Variants in PTPRA observed in about 807,000 individuals in gnomAD.
PTPRA encodes the protein protein tyrosine phosphatase receptor type A.
In PTPRA, 25 loss-of-function variants were observed where a neutral mutation model predicts 104.8. That is an observed-to-expected ratio of 0.24 (90% confidence interval 0.17 to 0.33). The LOEUF (loss-of-function observed/expected upper bound fraction) is 0.33, where lower values mean the gene tolerates loss of function less well. Ranked by LOEUF, PTPRA falls within the 10% of genes least tolerant of loss-of-function variation. The pLI, the probability that PTPRA is intolerant of heterozygous loss-of-function variation, is 1.00. For missense variants in PTPRA, 765 were observed against 1,015.3 expected (o/e 0.75, Z 3.35); for synonymous variants, 323 against 368.9 (o/e 0.88, Z 1.43).
chr20:2,954,627 C>T (rs1457275332), intron 3 of PTPRA, among the ~76,000 whole-genome samples: 1 of 152,194 alleles, frequency 6.6e-6, no homozygotes, highest in Non-Finnish European at 1.5e-5. Context: ...GATTGGCATA[C>T]ATTTTTTCCC....
chr20:2,984,617 T>A (rs2062823730), intron 6 of PTPRA, among the ~76,000 whole-genome samples: 1 of 152,202 alleles, frequency 6.6e-6, no homozygotes, highest in Non-Finnish European at 1.5e-5. Context: ...TCTCCTCTGT[T>A]CAAAGCCCTT....
intron 1 of PTPRA, among the ~76,000 whole-genome samples, chr20:2,910,140 CATCATATATACTATACGTCATATATAAT>C (rs1392647549): frequency 9.4e-6 from 1 of 106,708 alleles, no homozygotes; most frequent in East Asian, 2.8e-4. Flanking sequence ...TGATATATAA[CATCATATATACTATACGTCATATATAAT>C]ATGACGTATA....
chr20:2,977,644 C>CAA, intron 6 of PTPRA, among the ~76,000 whole-genome samples: 1 of 135,752 alleles, frequency 7.4e-6, no homozygotes, highest in South Asian at 2.4e-4. Flanking sequence ...GACTCTGTCT[C>CAA]AAAAAAAAAA....
At chr20:3,007,767 C>T (rs538315946) in intron 11 of PTPRA, among the ~76,000 whole-genome samples, 2 of 151,930 alleles carry the variant, frequency 1.3e-5, no homozygotes, top group African/African-American at 4.8e-5. Context: ...GACAAGAATA[C>T]CTGACATGAC....
intron 6 of PTPRA, among the ~76,000 whole-genome samples, chr20:2,977,659 C>T (rs910556029): frequency 3.3e-5 from 5 of 151,028 alleles, no homozygotes; most frequent in South Asian, 2.1e-4. Flanking sequence ...AAAAAAAGGG[C>T]GGGGATTATC....
At position 3,022,864 on chromosome 20, in the gene PTPRA, G is replaced by A; in HGVS notation, c.1464+40G>A. ...GGTCAGGTGAGGGTGGGGGGTTCCA[G>A]GACTAAAACATCTGCCCACATTGAG... On this transcript the variant is annotated intron_variant, in intron 16 of 23. Transcript: ENST00000399903. The surrounding 1 kb of genome is among the most constrained non-coding windows in gnomAD (Gnocchi z 4.6). 1 of 1,613,120 alleles carries A rather than the reference G, an allele frequency of 6.2e-7. No individual in the cohort carries two copies. The highest frequency in any genetic ancestry group is 1.1e-5 in the South Asian group (1 of 90,930).
chr20:2,902,405 A>C (rs1169774233), intron 1 of PTPRA, among the ~76,000 whole-genome samples: 1 of 152,038 alleles, frequency 6.6e-6, no homozygotes, highest in African/African-American at 2.4e-5. Flanking sequence ...GGGGAGCAAA[A>C]AGTTGGTTTC....
At chr20:2,898,210 T>G (rs1185579536) in intron 1 of PTPRA, among the ~76,000 whole-genome samples, 1 of 151,978 alleles carries the variant, frequency 6.6e-6, no homozygotes, top group African/African-American at 2.4e-5. Flanking sequence ...CATTCTCCTG[T>G]CTCAGCCTCC....
intron 10 of PTPRA, 100 bp from the exon 11 acceptor site, chr20:3,007,244 C>A: frequency 8.7e-7 from 1 of 1,151,278 alleles, no homozygotes; most frequent in Non-Finnish European, 1.3e-6. Flanking sequence ...AAGCGTGAGT[C>A]TGTGCACATA....
At chr20:2,917,777 C>T (rs1018789686) in intron 1 of PTPRA, among the ~76,000 whole-genome samples, 4 of 151,466 alleles carry the variant, frequency 2.6e-5, no homozygotes, top group African/African-American at 9.7e-5. Flanking sequence ...TTAGACCAAC[C>T]TGGGCAACAT....
At chr20:2,953,380 AGTAGCTGGGACTACAGGCGCGCG>A (rs1459790865) in intron 3 of PTPRA, among the ~76,000 whole-genome samples, 1 of 151,758 alleles carries the variant, frequency 6.6e-6, no homozygotes, top group Non-Finnish European at 1.5e-5. Flanking sequence ...TCAGCCTCCG[AGTAGCTGGGACTACAGGCGCGCG>A]TTACCACGCC....
At chr20:2,963,641 G>T (rs929467483) in intron 3 of PTPRA, among the ~76,000 whole-genome samples, 1 of 151,964 alleles carries the variant, frequency 6.6e-6, no homozygotes, top group Non-Finnish European at 1.5e-5. Flanking sequence ...TTTACAGGTT[G>T]GATATCTCTA....
At chr20:2,891,197 CTGCTTCTCACCTAGA>C (rs2058776938) in intron 1 of PTPRA, among the ~76,000 whole-genome samples, 1 of 152,196 alleles carries the variant, frequency 6.6e-6, no homozygotes, top group Non-Finnish European at 1.5e-5. Context: ...TTAATTCAGG[CTGCTTCTCACCTAGA>C]TGACTGCTGC....
At chr20:2,978,419 T>C (rs899375687) in intron 6 of PTPRA, among the ~76,000 whole-genome samples, 7 of 152,294 alleles carry the variant, frequency 4.6e-5, no homozygotes, top group African/African-American at 1.7e-4. Context: ...TAAATACTTG[T>C]ACCAAAAAGT....
chr20:2,874,175 A>G (rs527770193), intron 1 of PTPRA, among the ~76,000 whole-genome samples: 1 of 152,052 alleles, frequency 6.6e-6, no homozygotes, highest in African/African-American at 2.4e-5. Context: ...CTTTCCCTTC[A>G]AGTCCACCTC....
chr20:2,996,140 C>T (rs1407227191), intron 9 of PTPRA, among the ~76,000 whole-genome samples: 2 of 152,140 alleles, frequency 1.3e-5, no homozygotes, highest in African/African-American at 4.8e-5. Context: ...GAGAAGTCAC[C>T]TCAACTAAAT....
chr20:2,945,854 G>A (rs184244492), intron 2 of PTPRA, among the ~76,000 whole-genome samples: 7 of 151,818 alleles, frequency 4.6e-5, no homozygotes, highest in Non-Finnish European at 8.8e-5. Flanking sequence ...ACTCAAGCCC[G>A]GGAGGTAGAG....
chr20:2,897,384 C>CTTTTTT (rs60627339), intron 1 of PTPRA, among the ~76,000 whole-genome samples: 61 of 108,902 alleles, frequency 5.6e-4, no homozygotes, highest in East Asian at 1.3e-3. Context: ...CTTGGCATTT[C>CTTTTTT]TTTTTTTTTT....
chr20:2,955,357 A>G lies in PTPRA; in HGVS notation c.-7+7333A>G, dbSNP rs750699661. On this transcript the variant is annotated intron_variant, in intron 3 of 23. Transcript: ENST00000399903. ...GACTGACTCTTTTGCCTCCAGACTC[A>G]TCTCTTTCAAGGTCCCCAACTGAAT... 1.3e-5 allele frequency among the ~76,000 whole-genome samples: 2 copies of G among 152,322 alleles called. 1 individual carries two copies. Among genetic ancestry groups the G allele is most frequent in the South Asian group, 4.1e-4 (2 of 4,824 alleles).
Sources: gnomAD v4.1 joint callset for allele counts (sites outside exome capture counted in the v4.1 genomes callset) on GRCh38, gnomAD v4.1.1 for gene constraint, Gnocchi (gnomAD v3.1) non-coding constraint, MANE v1.5 for transcripts, NCBI Gene and HGNC (gene_info 2026-07-23, HGNC 2026-07-21) for gene names.